The following HS3ST4 variants were observed in gnomAD, a reference collection of about 807,000 sequenced individuals.
The protein encoded by HS3ST4 is heparan sulfate-glucosamine 3-sulfotransferase 4.
HS3ST4 carries 17 observed loss-of-function variants against 29.2 expected under a neutral mutation model. That is an observed-to-expected ratio of 0.58 (90% CI 0.40 to 0.87). The LOEUF (loss-of-function observed/expected upper bound fraction) is 0.87, where lower values mean the gene tolerates loss of function less well. HS3ST4 is among the 40% of genes least tolerant of loss of function. The pLI is 0.00. For synonymous variants in HS3ST4, 314 were observed against 285.7 expected (o/e 1.10, Z -1.00); for missense variants, 627 against 634.5 (o/e 0.99, Z 0.13).
At chr16:25,914,799 ACCCCTCTG>A (rs1458312478) in intron 1 of HS3ST4, among the ~76,000 whole-genome samples, 3 of 151,836 alleles carry the variant, frequency 2.0e-5, no homozygotes, top group Non-Finnish European at 2.9e-5. Context: ...AGGGATTCTC[ACCCCTCTG>A]TGAGAAACAG....
At chr16:25,885,996 G>A (rs1440632724) in intron 1 of HS3ST4, among the ~76,000 whole-genome samples, 1 of 142,740 alleles carries the variant, frequency 7.0e-6, no homozygotes, top group Non-Finnish European at 1.5e-5. Context: ...GAATGAAGAA[G>A]AATTGAAATG....
At chr16:26,042,983 C>T (rs928841500) in intron 1 of HS3ST4, among the ~76,000 whole-genome samples, 10 of 152,096 alleles carry the variant, frequency 6.6e-5, no homozygotes, top group African/African-American at 2.4e-4. Context: ...CTTTCTAACA[C>T]CCCCCAATTT....
Position 25,930,183 on chromosome 16 carries a change from A to C in HS3ST4, c.735-205429A>C, listed in dbSNP as rs149593709. Among the ~76,000 whole-genome samples the C allele has an allele frequency of 4.6e-3, 705 of 152,232 alleles. 5 individuals are homozygous for C. Among genetic ancestry groups the C allele is most frequent in the African/African-American group, 0.016 (670 of 41,518 alleles). On this transcript the variant is annotated intron_variant, in intron 1 of 1. Transcript: ENST00000331351. Reference sequence around the variant, plus strand: ...GTATTCCATGGTGTATATGTACCACATTTTCTTTACCTAGGCATATGAAGA... The same window carrying C: ...GTATTCCATGGTGTATATGTACCACCTTTTCTTTACCTAGGCATATGAAGA...
intron 1 of HS3ST4, among the ~76,000 whole-genome samples, chr16:25,964,890 A>G (rs541962335): frequency 1.3e-5 from 2 of 152,296 alleles, no homozygotes; most frequent in East Asian, 3.9e-4. Context: ...TATTATATAC[A>G]TGTAATTTTA....
chr16:25,950,014 C>CT (rs78812087), intron 1 of HS3ST4, among the ~76,000 whole-genome samples: 35,816 of 152,062 alleles, frequency 0.24, 4,462 homozygotes, highest in African/African-American at 0.3. Context: ...GTGCACACCC[C>CT]TTGCAGAAGG....
At chr16:26,103,056 C>T (rs990482354) in intron 1 of HS3ST4, among the ~76,000 whole-genome samples, 4 of 152,240 alleles carry the variant, frequency 2.6e-5, no homozygotes, top group East Asian at 3.9e-4. Flanking sequence ...GCTCATATTC[C>T]ATTGGCTAGA....
At chr16:26,014,351 CTTTTA>C (rs1969342823) in intron 1 of HS3ST4, among the ~76,000 whole-genome samples, 1 of 152,050 alleles carries the variant, frequency 6.6e-6, no homozygotes, top group Non-Finnish European at 1.5e-5. Flanking sequence ...AAATTTTTAA[CTTTTA>C]TTTTAGGTTC....
intron 1 of HS3ST4, among the ~76,000 whole-genome samples, chr16:25,711,011 T>TGG: frequency 6.6e-6 from 1 of 151,616 alleles, no homozygotes; most frequent in Non-Finnish European, 1.5e-5. Flanking sequence ...TGTGTAGTGA[T>TGG]GGGGTCTTGC....
At chr16:26,030,483 C>T (rs1202334960) in intron 1 of HS3ST4, among the ~76,000 whole-genome samples, 1 of 152,196 alleles carries the variant, frequency 6.6e-6, no homozygotes, top group African/African-American at 2.4e-5. Context: ...CAACGCAAAG[C>T]ACCTGAAGCC....
chr16:25,904,435 T>G (rs1220681993), intron 1 of HS3ST4, among the ~76,000 whole-genome samples: 1 of 152,246 alleles, frequency 6.6e-6, no homozygotes, highest in South Asian at 2.1e-4. Flanking sequence ...ATTTGCTTTT[T>G]AAAATCGAAT....
chr16:26,098,420 T>G lies in HS3ST4; in HGVS notation c.735-37192T>G, dbSNP rs139145795. On this transcript the variant is annotated intron_variant, in intron 1 of 1. Coordinates refer to ENST00000331351, the MANE Select transcript of HS3ST4 (RefSeq NM_006040.3). ...TATGCAGCCGTAAAAAAGGGTGAGTTCATGTCCTTTGCAGGGACAGGGATG... is the reference window on the plus strand; with the variant it reads ...TATGCAGCCGTAAAAAAGGGTGAGTGCATGTCCTTTGCAGGGACAGGGATG... 5.9e-3 allele frequency among the ~76,000 whole-genome samples: 896 copies of G among 152,246 alleles called. 9 individuals carry two copies. The highest frequency in any genetic ancestry group is 0.02 in the African/African-American group (849 of 41,544).
intron 1 of HS3ST4, among the ~76,000 whole-genome samples, chr16:25,845,198 CAT>C (rs1165071289): frequency 1.3e-5 from 2 of 152,002 alleles, no homozygotes; most frequent in Non-Finnish European, 2.9e-5. Flanking sequence ...TGGAACTTAA[CAT>C]AAAAATAAAA....
At chr16:25,718,003 T>C (rs1966468368) in intron 1 of HS3ST4, among the ~76,000 whole-genome samples, 1 of 152,134 alleles carries the variant, frequency 6.6e-6, no homozygotes, top group African/African-American at 2.4e-5. Context: ...TGTCACTGGC[T>C]TGCCTTTGAG....
intron 1 of HS3ST4, among the ~76,000 whole-genome samples, chr16:25,915,207 C>A (rs1315030420): frequency 6.6e-6 from 1 of 152,082 alleles, no homozygotes; most frequent in African/African-American, 2.4e-5. Context: ...TCACGGAAGC[C>A]CAGATCCTTC....
chr16:25,744,633 C>G (rs1966674603), intron 1 of HS3ST4, among the ~76,000 whole-genome samples: 1 of 152,178 alleles, frequency 6.6e-6, no homozygotes, highest in African/African-American at 2.4e-5. Context: ...CATTTACATT[C>G]TGATATGGTT....
chr16:26,059,286 CCT>C (rs1263110723), intron 1 of HS3ST4, among the ~76,000 whole-genome samples: 5 of 151,988 alleles, frequency 3.3e-5, no homozygotes, highest in Middle Eastern at 3.4e-3. Context: ...CACTTGTCCC[CCT>C]CTCTCTCTTC....
chr16:25,758,570 A>G (rs1966771107), intron 1 of HS3ST4, among the ~76,000 whole-genome samples: 1 of 152,150 alleles, frequency 6.6e-6, no homozygotes, highest in South Asian at 2.1e-4. Flanking sequence ...TCATTGACTG[A>G]TCCCCATCCT....
chr16:25,899,481 A>G (rs1477018534), intron 1 of HS3ST4, among the ~76,000 whole-genome samples: 2 of 150,328 alleles, frequency 1.3e-5, no homozygotes, highest in African/African-American at 2.5e-5. Context: ...CAGGACAGGT[A>G]TGCTGATTGA....
chr16:26,071,420 A>G (rs1212104963), intron 1 of HS3ST4, among the ~76,000 whole-genome samples: 1 of 152,140 alleles, frequency 6.6e-6, no homozygotes, highest in Non-Finnish European at 1.5e-5. Context: ...CAGACTCTAG[A>G]GGGAAAAGGA....
Sources: gnomAD v4.1 joint callset for allele counts (sites outside exome capture counted in the v4.1 genomes callset) on GRCh38, gnomAD v4.1.1 for gene constraint, MANE v1.5 for transcripts, NCBI Gene and HGNC (gene_info 2026-07-23, HGNC 2026-07-21) for gene names.